Variants in NCAM2 observed in about 807,000 individuals in gnomAD.
The protein encoded by NCAM2 is neural cell adhesion molecule 2.
Under a neutral mutation model 98.1 loss-of-function variants are expected in NCAM2, and 30 were observed. That is an observed-to-expected ratio of 0.31 (90% CI 0.23 to 0.41). The LOEUF (loss-of-function observed/expected upper bound fraction) is 0.41, where lower values mean the gene tolerates loss of function less well. Among genes scored for constraint, NCAM2 ranks in the 10% least tolerant of loss-of-function variants. NCAM2 has a pLI of 1.00. For synonymous variants in NCAM2, 368 were observed against 342.4 expected, an observed-to-expected ratio of 1.07 and a Z score of -0.83; for missense variants, 867 against 1,005.8, an observed-to-expected ratio of 0.86 and a Z score of 1.87.
chr21:21,459,921 G>T (rs1409713831), intron 12 of NCAM2, among the ~76,000 whole-genome samples: 1 of 151,774 alleles, frequency 6.6e-6, no homozygotes, highest in Admixed American at 6.6e-5. Flanking sequence ...GTACTAAGAG[G>T]CTACATATTA....
Position 21,319,948 on chromosome 21 carries a change from G to A in NCAM2, c.620-4435G>A, listed in dbSNP as rs1180081504. Among the ~76,000 whole-genome samples, 7 of 152,192 alleles carry A rather than the reference G, an allele frequency of 4.6e-5. No homozygotes were observed. In the South Asian group the frequency reaches 1.2e-3, roughly 27 times the overall value. ...ATTAACTTTCACTAAGAATGTAATC[G>A]TAAATGCCAATGGAACCTTTTTTTG... On this transcript the variant is annotated intron_variant, in intron 5 of 17. Transcript: ENST00000400546.
chr21:21,433,094 A>T (rs1401176585), intron 12 of NCAM2, among the ~76,000 whole-genome samples: 1 of 152,212 alleles, frequency 6.6e-6, no homozygotes, highest in Non-Finnish European at 1.5e-5. Flanking sequence ...ATAGAGAGAA[A>T]GCAAATGAAA....
intron 5 of NCAM2, among the ~76,000 whole-genome samples, chr21:21,303,165 G>A (rs2073775818): frequency 6.6e-6 from 1 of 151,530 alleles, no homozygotes; most frequent in Admixed American, 6.6e-5. Flanking sequence ...AAACTGCTTG[G>A]GTGTAATGTG....
chr21:21,214,784 C>CAT (rs1261964160), intron 1 of NCAM2, among the ~76,000 whole-genome samples: 2,106 of 128,756 alleles, frequency 0.016, 61 homozygotes, highest in African/African-American at 0.057. Flanking sequence ...TATATATACA[C>CAT]ATATATATAC....
chr21:21,445,458 G>T (rs973341940), intron 12 of NCAM2, among the ~76,000 whole-genome samples: 2 of 152,102 alleles, frequency 1.3e-5, no homozygotes, highest in African/African-American at 2.4e-5. Context: ...CTGTTATTGT[G>T]TGGGAGTCTA....
At chr21:21,178,332 C>A (rs7277326) in intron 1 of NCAM2, among the ~76,000 whole-genome samples, 2,316 of 152,234 alleles carry the variant, frequency 0.015, 58 homozygotes, top group African/African-American at 0.053. Flanking sequence ...AGAGCAATGA[C>A]TAGTTCAGCT....
intron 1 of NCAM2, among the ~76,000 whole-genome samples, chr21:21,068,802 C>T (rs2065498052): frequency 6.6e-6 from 1 of 152,190 alleles, no homozygotes; most frequent in Non-Finnish European, 1.5e-5. Flanking sequence ...ACGGGTGCTA[C>T]ACACTTTTTC....
At chr21:21,241,418 A>G (rs1029448457) in intron 1 of NCAM2, among the ~76,000 whole-genome samples, 1 of 152,206 alleles carries the variant, frequency 6.6e-6, no homozygotes, top group Non-Finnish European at 1.5e-5. Flanking sequence ...TTTGAATTAT[A>G]TAGCATATAA....
intron 1 of NCAM2, among the ~76,000 whole-genome samples, chr21:21,062,947 G>T (rs1237527568): frequency 6.6e-6 from 1 of 152,032 alleles, no homozygotes; most frequent in African/African-American, 2.4e-5. Context: ...AAGTATCTTT[G>T]CAGTGTTAGT....
intron 1 of NCAM2, among the ~76,000 whole-genome samples, chr21:21,212,435 G>T (rs1200565434): frequency 6.6e-6 from 1 of 152,134 alleles, no homozygotes; most frequent in Non-Finnish European, 1.5e-5. Context: ...GTACAAAATG[G>T]CAAGAGAGAT....
rs1232219454 is a variant in NCAM2, at chr21:21,540,507, C to T, written c.*2550C>T. 1 of 151,452 alleles carries T rather than the reference C, an allele frequency of 6.6e-6. No homozygotes were observed. The highest frequency in any genetic ancestry group is 1.9e-4 in the East Asian group (1 of 5,174). The allele number at this position is 151,452 out of a possible 1,614,324, so 9.4% of individuals were successfully genotyped here. On this transcript the variant is annotated 3_prime_UTR_variant, in exon 18 of 18. Coordinates refer to ENST00000400546, the MANE Select transcript of NCAM2 (RefSeq NM_004540.5). Reference sequence around the variant, plus strand: ...TTTTTTAATATTTCAATGGAATGCTCCAAATGATTTATAAAAATTTCAAAA... The same window carrying T: ...TTTTTTAATATTTCAATGGAATGCTTCAAATGATTTATAAAAATTTCAAAA...
intron 8 of NCAM2, among the ~76,000 whole-genome samples, chr21:21,356,544 A>G (rs2075484875): frequency 6.6e-6 from 1 of 152,128 alleles, no homozygotes; most frequent in African/African-American, 2.4e-5. Context: ...AATAAATTTT[A>G]TAAAATATAA....
intron 1 of NCAM2, among the ~76,000 whole-genome samples, chr21:21,189,272 G>C (rs929930310): frequency 2.0e-5 from 3 of 152,088 alleles, no homozygotes; most frequent in African/African-American, 7.2e-5. Context: ...CGTTGAAAGT[G>C]AAGTTTTTAA....
intron 12 of NCAM2, among the ~76,000 whole-genome samples, chr21:21,449,756 A>G (rs889751142): frequency 6.6e-6 from 1 of 152,078 alleles, no homozygotes; most frequent in Admixed American, 6.6e-5. Flanking sequence ...TAAGATGCTT[A>G]TATCAGCAAG....
chr21:21,122,954 G>C (rs2066706346), intron 1 of NCAM2, among the ~76,000 whole-genome samples: 2 of 152,114 alleles, frequency 1.3e-5, no homozygotes, highest in Admixed American at 1.3e-4. Flanking sequence ...TGTCCCGAAT[G>C]AACCTTCCTC....
intron 16 of NCAM2, among the ~76,000 whole-genome samples, chr21:21,515,680 A>G (rs1236076206): frequency 6.6e-6 from 1 of 152,156 alleles, no homozygotes; most frequent in Non-Finnish European, 1.5e-5. Flanking sequence ...CTGTAATACC[A>G]TAATTAAAAT....
intron 6 of NCAM2, among the ~76,000 whole-genome samples, chr21:21,335,207 T>G (rs1179200448): frequency 6.6e-6 from 1 of 152,132 alleles, no homozygotes; most frequent in African/African-American, 2.4e-5. Context: ...ATGTTTTTTT[T>G]GCCAATAATC....
intron 1 of NCAM2, among the ~76,000 whole-genome samples, chr21:21,219,606 C>A (rs2070053456): frequency 6.6e-6 from 1 of 152,196 alleles, no homozygotes; most frequent in Non-Finnish European, 1.5e-5. Flanking sequence ...TTTATGAATA[C>A]TGCATAGTAC....
chr21:21,373,807 A>G, intron 8 of NCAM2, 56 bp from the exon 9 acceptor site: 2 of 1,421,756 alleles, frequency 1.4e-6, no homozygotes, highest in South Asian at 1.5e-5. Flanking sequence ...ATGTTTGGTC[A>G]CCATTTTGCA....
Sources: gnomAD v4.1 joint callset for allele counts (sites outside exome capture counted in the v4.1 genomes callset) on GRCh38, gnomAD v4.1.1 for gene constraint, MANE v1.5 for transcripts, NCBI Gene and HGNC (gene_info 2026-07-23, HGNC 2026-07-21) for gene names.